EDA: variants seen among roughly 807,000 people sequenced by gnomAD.
EDA encodes ectodysplasin A.
A neutral mutation model predicts 23.6 loss-of-function variants in EDA; 2 were observed. The observed-to-expected ratio is 0.08, with a 90% CI of 0.03 to 0.27. The LOEUF is 0.27. EDA is among the 10% of genes least tolerant of loss of function. EDA has a pLI of 1.00. For missense variants in EDA, 229 were observed against 324.2 expected (o/e 0.71, Z 2.26); for synonymous variants, 131 against 132.0 (o/e 0.99, Z 0.05).
At chrX:69,646,503 C>G (rs1187759448) in intron 1 of EDA, among the ~76,000 whole-genome samples, 2 of 111,185 alleles carry the variant, frequency 1.8e-5, no homozygotes, top group African/African-American at 6.5e-5. Context: ...GGATTGCAAC[C>G]CCTGCTTTTT....
intron 1 of EDA, chrX:69,860,869 G>C (rs886432331): frequency 9.2e-5 from 48 of 522,928 alleles, no homozygotes; most frequent in Admixed American, 2.7e-4. Flanking sequence ...ACACCAATGA[G>C]TTGTGTCTTC....
intron 1 of EDA, among the ~76,000 whole-genome samples, chrX:69,696,158 G>A (rs1026445701): frequency 9.1e-6 from 1 of 109,535 alleles, no homozygotes; most frequent in African/African-American, 3.3e-5. Context: ...AGAATTGCTT[G>A]AACCCAGGAG....
At chrX:69,660,770 TTTGCTA>T (rs1677269701) in intron 1 of EDA, among the ~76,000 whole-genome samples, 1 of 111,796 alleles carries the variant, frequency 8.9e-6, no homozygotes, top group Admixed American at 9.5e-5. Flanking sequence ...GTTCCAAGTC[TTTGCTA>T]TTGTGAATAG....
At chrX:69,663,721 G>C (rs979851301) in intron 1 of EDA, among the ~76,000 whole-genome samples, 2 of 112,040 alleles carry the variant, frequency 1.8e-5, no homozygotes, top group African/African-American at 6.5e-5. Flanking sequence ...AAAAGCCACA[G>C]ACACTCAACG....
At chrX:70,001,624 G>T (rs1166328855) in intron 2 of EDA, among the ~76,000 whole-genome samples, 1 of 112,598 alleles carries the variant, frequency 8.9e-6, no homozygotes, top group African/African-American at 3.2e-5. Flanking sequence ...GAACAAAAAG[G>T]TTGGATGATA....
intron 1 of EDA, chrX:69,860,851 T>C (rs747982043): frequency 3.8e-6 from 2 of 524,810 alleles, no homozygotes; most frequent in South Asian, 4.9e-5. Context: ...TCCCCATCTC[T>C]TTCAGGGACA....
intron 1 of EDA, chrX:69,693,076 C>T (rs1399261648): frequency 8.9e-6 from 1 of 111,881 alleles, no homozygotes; most frequent in Non-Finnish European, 1.9e-5. Context: ...TGTTGGTTTA[C>T]TTCAGTTGCC....
intron 1 of EDA, among the ~76,000 whole-genome samples, chrX:69,815,126 A>G (rs957109267): frequency 2.7e-5 from 3 of 111,997 alleles, no homozygotes; most frequent in Non-Finnish European, 5.6e-5. Flanking sequence ...GCCAATGGCA[A>G]TGGGCTGGAG....
chrX:69,786,243 G>T (rs1317384467), intron 1 of EDA, among the ~76,000 whole-genome samples: 4 of 110,715 alleles, frequency 3.6e-5, no homozygotes, highest in South Asian at 3.8e-4. Context: ...AAAACCCAGC[G>T]CCTGGATTCA....
At chrX:69,777,439 GTTA>G (rs771673345) in intron 1 of EDA, among the ~76,000 whole-genome samples, 2 of 111,206 alleles carry the variant, frequency 1.8e-5, no homozygotes, top group East Asian at 5.6e-4. Context: ...TCATTTGGGG[GTTA>G]GAAGTTACCA....
chrX:69,677,760 C>G (rs959746183), intron 1 of EDA, among the ~76,000 whole-genome samples: 2 of 111,388 alleles, frequency 1.8e-5, no homozygotes, highest in Non-Finnish European at 3.8e-5. Context: ...AAAATTTTCT[C>G]CCATTCTGTA....
chrX:69,937,665 G>A (rs1460171081), intron 1 of EDA: 1 of 1,099,305 alleles, frequency 9.1e-7, no homozygotes, highest in Non-Finnish European at 1.3e-6. Context: ...GATACCAGAT[G>A]TTGTTAGTAG....
intron 1 of EDA, among the ~76,000 whole-genome samples, chrX:69,639,271 G>T (rs1281205615): frequency 9.0e-6 from 1 of 111,472 alleles, no homozygotes; most frequent in Non-Finnish European, 1.9e-5. Flanking sequence ...AATTCATTTA[G>T]GGTACATACT....
intron 1 of EDA, among the ~76,000 whole-genome samples, chrX:69,789,802 A>G (rs2015345860): frequency 1.8e-5 from 2 of 112,360 alleles, no homozygotes; most frequent in Admixed American, 9.4e-5. Flanking sequence ...CTCAAAAAGT[A>G]GATAGGTGAT....
intron 1 of EDA, among the ~76,000 whole-genome samples, chrX:69,685,660 C>G (rs1362245269): frequency 1.8e-5 from 2 of 111,876 alleles, no homozygotes; most frequent in African/African-American, 6.5e-5. Flanking sequence ...AAATAGGTTT[C>G]TAGTCCCCCA....
chrX:69,843,509 G>A (rs921707056), intron 1 of EDA, among the ~76,000 whole-genome samples: 1 of 110,992 alleles, frequency 9.0e-6, no homozygotes, highest in Admixed American at 9.6e-5. Context: ...TCATTATACA[G>A]AGTATTTCTA....
chrX:69,788,453 T>G (rs1314645607), intron 1 of EDA, among the ~76,000 whole-genome samples: 1 of 112,057 alleles, frequency 8.9e-6, no homozygotes, highest in East Asian at 2.8e-4. Context: ...ATGATGGTGA[T>G]GTACAGATGG....
chrX:69,993,663 C>G (rs1420048580), intron 2 of EDA, among the ~76,000 whole-genome samples: 2 of 111,771 alleles, frequency 1.8e-5, no homozygotes, highest in African/African-American at 6.5e-5. Flanking sequence ...ATGTGACTTG[C>G]CCACTAGGAG....
chrX:70,035,219 A>T, intron 7 of EDA, 139 bp from the exon 8 acceptor site: 1 of 696,969 alleles, frequency 1.4e-6, no homozygotes, highest in Non-Finnish European at 2.2e-6. Flanking sequence ...GCCAGCTAGC[A>T]CGCCTTCACA....
Sources: gnomAD v4.1 joint callset for allele counts (sites outside exome capture counted in the v4.1 genomes callset) on GRCh38, gnomAD v4.1.1 for gene constraint, MANE v1.5 for transcripts, NCBI Gene and HGNC (gene_info 2026-07-23, HGNC 2026-07-21) for gene names.